Variants in RAB28 observed in about 807,000 individuals in gnomAD.
RAB28 encodes RAB28, member RAS oncogene family, also known as ras-related protein Rab-28.
RAB28 carries 24 observed loss-of-function variants against 31.7 expected under a neutral mutation model. The observed-to-expected ratio is 0.76, with a 90% CI of 0.55 to 1.06. RAB28 has a LOEUF of 1.06. Ranked by LOEUF, RAB28 falls within the 50% of genes least tolerant of loss-of-function variation. The pLI is 0.00. For synonymous variants in RAB28, 100 were observed against 90.4 expected (o/e 1.11, Z -0.60); for missense variants, 254 against 258.5 (o/e 0.98, Z 0.12).
intron 3 of RAB28, among the ~76,000 whole-genome samples, chr4:13,469,273 T>A (rs1236208450): frequency 1.3e-5 from 2 of 152,018 alleles, no homozygotes; most frequent in Non-Finnish European, 2.9e-5. Flanking sequence ...TCTAAATCCA[T>A]CACCATGTCT....
chr4:13,422,613 A>G (rs1299310044), intron 4 of RAB28, among the ~76,000 whole-genome samples: 1 of 152,190 alleles, frequency 6.6e-6, no homozygotes, highest in Non-Finnish European at 1.5e-5. Context: ...ACATGGACGA[A>G]GCTGGAAACC....
intron 4 of RAB28, among the ~76,000 whole-genome samples, chr4:13,398,072 G>A (rs940756832): frequency 6.6e-6 from 1 of 151,948 alleles, no homozygotes; most frequent in Admixed American, 6.6e-5. Flanking sequence ...ATCCCTTTTA[G>A]TAATGGATAA....
chr4:13,413,406 T>C (rs1237919912), intron 4 of RAB28, among the ~76,000 whole-genome samples: 1 of 152,268 alleles, frequency 6.6e-6, no homozygotes, highest in Admixed American at 6.5e-5. Context: ...AGCCAGTATG[T>C]TATTTAAACT....
At chr4:13,445,058 T>C (rs1206826388) in intron 4 of RAB28, among the ~76,000 whole-genome samples, 1 of 152,156 alleles carries the variant, frequency 6.6e-6, no homozygotes, top group Non-Finnish European at 1.5e-5. Flanking sequence ...ACCATATTTC[T>C]TGGAGGTTTT....
chr4:13,436,693 A>C (rs1220739859), intron 4 of RAB28, among the ~76,000 whole-genome samples: 1 of 152,202 alleles, frequency 6.6e-6, no homozygotes, highest in African/African-American at 2.4e-5. Flanking sequence ...CACTGCTAAA[A>C]TAAATCACAG....
In RAB28 at chr4:13,386,535, C is replaced by A. The variant is rs149915343; in HGVS notation, c.392-4941G>T. On this transcript the variant is annotated intron_variant, in intron 4 of 6. Transcript: ENST00000330852. ...AACATCACTGATCATTAGAGAAATG[C>A]AAATCAAAACCACAATGAGATACCA... Among the ~76,000 whole-genome samples the A allele has an allele frequency of 5.0e-4, 76 of 152,102 alleles. No individual in the cohort carries two copies. In the East Asian group the frequency reaches 0.014, roughly 28 times the overall value.
At chr4:13,371,729 T>C in intron 6 of RAB28, 1 of 1,541,138 alleles carries the variant, frequency 6.5e-7, no homozygotes, top group South Asian at 1.2e-5. Flanking sequence ...GGTTTCACTG[T>C]AGTCAGCTTA....
At chr4:13,387,950 A>C (rs1174325042) in intron 4 of RAB28, among the ~76,000 whole-genome samples, 1 of 152,006 alleles carries the variant, frequency 6.6e-6, no homozygotes, top group Non-Finnish European at 1.5e-5. Flanking sequence ...AAACTTGATA[A>C]CCCAAGAACT....
chr4:13,422,292 T>C (rs1713202177), intron 4 of RAB28, among the ~76,000 whole-genome samples: 1 of 152,208 alleles, frequency 6.6e-6, no homozygotes, highest in Non-Finnish European at 1.5e-5. Flanking sequence ...GCTTTTGCAC[T>C]GTTGGTGGGA....
At chr4:13,394,681 G>A (rs1729793644) in intron 4 of RAB28, among the ~76,000 whole-genome samples, 1 of 152,128 alleles carries the variant, frequency 6.6e-6, no homozygotes, top group Admixed American at 6.6e-5. Context: ...AAACAAAGAA[G>A]TATAATAAGC....
intron 4 of RAB28, chr4:13,459,885 G>A: frequency 7.8e-7 from 1 of 1,289,262 alleles, no homozygotes; most frequent in Non-Finnish European, 1.0e-6. Context: ...AAAATCTGCA[G>A]CTGTGTTGCT....
chr4:13,427,891 G>T (rs972108697), intron 4 of RAB28, among the ~76,000 whole-genome samples: 2 of 152,172 alleles, frequency 1.3e-5, no homozygotes, highest in Non-Finnish European at 2.9e-5. Context: ...GTTAAAGAAC[G>T]AAGTGCTTTA....
chr4:13,387,519 A>G (rs150390906), intron 4 of RAB28, among the ~76,000 whole-genome samples: 34 of 152,156 alleles, frequency 2.2e-4, no homozygotes, highest in African/African-American at 5.5e-4. Context: ...TCCATACCTC[A>G]TTGTCAACAC....
chr4:13,401,369 G>T (rs1309408456), intron 4 of RAB28, among the ~76,000 whole-genome samples: 3 of 152,112 alleles, frequency 2.0e-5, no homozygotes, highest in Non-Finnish European at 4.4e-5. Context: ...ACATACCATG[G>T]CCTGTTGCGG....
intron 4 of RAB28, among the ~76,000 whole-genome samples, chr4:13,450,889 G>GA (rs993506841): frequency 1.5e-3 from 231 of 151,948 alleles, no homozygotes; most frequent in African/African-American, 5.4e-3. Flanking sequence ...AAATAAACAT[G>GA]CCTTGCACTT....
chr4:13,451,442 T>C (rs1291385097), intron 4 of RAB28, among the ~76,000 whole-genome samples: 2 of 151,060 alleles, frequency 1.3e-5, no homozygotes, highest in African/African-American at 4.8e-5. Context: ...TTTTTTGCTG[T>C]TGAGATGTCT....
chr4:13,383,944 C>G (rs769518762), intron 4 of RAB28, among the ~76,000 whole-genome samples: 2 of 152,196 alleles, frequency 1.3e-5, no homozygotes, highest in African/African-American at 2.4e-5. Context: ...CCTGGCCATA[C>G]TTGCTTGCAG....
At chr4:13,373,353 T>G (rs1728787762) in intron 6 of RAB28, among the ~76,000 whole-genome samples, 1 of 152,116 alleles carries the variant, frequency 6.6e-6, no homozygotes, top group South Asian at 2.1e-4. Flanking sequence ...TAGAGGATAA[T>G]GGTTGGTAGT....
chr4:13,412,998 TA>T (rs2108911315), intron 4 of RAB28, among the ~76,000 whole-genome samples: 1 of 149,458 alleles, frequency 6.7e-6, no homozygotes, highest in African/African-American at 2.5e-5. Context: ...TACAAGGAAA[TA>T]AAAACTTAAA....
Sources: allele counts gnomAD v4.1 joint callset (sites outside exome capture counted in the v4.1 genomes callset), GRCh38; gene constraint gnomAD v4.1.1; transcripts MANE v1.5; gene names NCBI Gene and HGNC (gene_info 2026-07-23, HGNC 2026-07-21).